Variants in PCDHA5 observed in about 807,000 individuals in gnomAD.
PCDHA5 encodes the protein protocadherin alpha-5.
In PCDHA5, 43 loss-of-function variants were observed where a neutral mutation model predicts 61.6. That is an observed-to-expected ratio of 0.70 (90% confidence interval 0.55 to 0.90). The LOEUF is 0.90. Among genes scored for constraint, PCDHA5 ranks in the 40% least tolerant of loss-of-function variants. The pLI is 0.00. For synonymous variants in PCDHA5, 627 were observed against 543.9 expected (o/e 1.15, Z -2.13); for missense variants, 1,298 against 1,222.7 (o/e 1.06, Z -0.92).
At chr5:140,989,531 G>C (rs782610172) in intron 3 of PCDHA5, among the ~76,000 whole-genome samples, 1 of 152,198 alleles carries the variant, frequency 6.6e-6, no homozygotes, top group Non-Finnish European at 1.5e-5. Flanking sequence ...AGAGGAGGAA[G>C]ATAGTTTGTA....
chr5:140,855,900 C>G, intron 1 of PCDHA5: 1 of 1,079,358 alleles, frequency 9.3e-7, no homozygotes, highest in Non-Finnish European at 1.3e-6. Flanking sequence ...AGGCATCAGC[C>G]AGTTTCTCAA....
chr5:141,002,437 T>C (rs1238744621), intron 3 of PCDHA5, among the ~76,000 whole-genome samples: 1 of 152,186 alleles, frequency 6.6e-6, no homozygotes, highest in Non-Finnish European at 1.5e-5. Context: ...GCAATAACCA[T>C]AATAATTGGC....
At chr5:140,962,207 A>G (rs1364251526) in intron 1 of PCDHA5, among the ~76,000 whole-genome samples, 13 of 152,236 alleles carry the variant, frequency 8.5e-5, no homozygotes, top group Admixed American at 3.3e-4. Flanking sequence ...CTATCTCCTT[A>G]TTGATCTTGA....
intron 1 of PCDHA5, chr5:140,870,462 G>A (rs181856615): frequency 6.4e-4 from 1,040 of 1,614,196 alleles, no homozygotes; most frequent in Non-Finnish European, 8.0e-4. Flanking sequence ...ATGCGCCTGC[G>A]TTCGCACAGC....
At chr5:140,828,738 A>C in intron 1 of PCDHA5, 1 of 1,614,242 alleles carries the variant, frequency 6.2e-7, no homozygotes, top group Non-Finnish European at 8.5e-7. Flanking sequence ...ACAGCCACAG[A>C]TGGGGGCAAA....
Position 140,932,626 on chromosome 5 carries a change from C to T in PCDHA5, c.2353-46323C>T, listed in dbSNP as rs965543719. 1.2e-4 allele frequency among the ~76,000 whole-genome samples: 18 copies of T among 151,670 alleles called. 1 individual carries two copies. The highest frequency in any genetic ancestry group is 8.9e-5 in the Non-Finnish European group (6 of 67,754). On this transcript the variant is annotated intron_variant, in intron 1 of 3. Coordinates refer to ENST00000529859, the MANE Select transcript of PCDHA5 (RefSeq NM_018908.3). ...TTTGACTTTGAAGCTGATAACCACA[C>T]TAAAAAACTTTAGAATGATGAAACT...
In PCDHA5 at chr5:140,823,029, G is replaced by C. The variant is rs2150121512; in HGVS notation, c.1254G>C (p.Ser418=). 1.2e-6 allele frequency: 2 copies of C among 1,614,104 alleles called. No homozygotes were observed. The highest frequency in any genetic ancestry group is 1.3e-5 in the African/African-American group (1 of 74,958). Residue 418 remains serine (S), a synonymous_variant, in exon 1 of 4, where the codon TCG becomes TCC. Transcript: ENST00000529859. ...GCGCCCTGGACCGCGAGAGCGTGTC[G>C]GTCTATGAGCTGGTGGTGACCGCGC... ...LDSALDRESV[S]VYELVVTARD...
At chr5:140,901,474 T>C (rs2068694853) in intron 1 of PCDHA5, among the ~76,000 whole-genome samples, 1 of 152,216 alleles carries the variant, frequency 6.6e-6, no homozygotes, top group Admixed American at 6.5e-5. Context: ...CTCGAGTTTA[T>C]GTTCTTGGCA....
At chr5:140,875,568 C>G in intron 1 of PCDHA5, 2 of 1,614,114 alleles carry the variant, frequency 1.2e-6, no homozygotes, top group Non-Finnish European at 1.7e-6. Context: ...GCCAGCTCCA[C>G]TACTCCGTCT....
Position 140,822,384 on chromosome 5 carries a change from A to G in PCDHA5, c.609A>G (p.Glu203=). Residue 203 remains glutamate, a synonymous_variant, in exon 1 of 4, where the codon GAA becomes GAG. Coordinates refer to ENST00000529859, the MANE Select transcript of PCDHA5 (RefSeq NM_018908.3). ...TGAGGAAATCCTTAGATAGAGAAGA[A>G]ACACAAGAACACCGTTTATTAGTGA... ...LVLRKSLDRE[E]TQEHRLLVIA... The G allele has an allele frequency of 6.2e-7, 1 of 1,614,130 alleles. No homozygotes were observed. The highest frequency in any genetic ancestry group is 1.7e-5 in the Admixed American group (1 of 60,034).
intron 3 of PCDHA5, among the ~76,000 whole-genome samples, chr5:141,008,339 C>T (rs782805145): frequency 1.1e-4 from 16 of 152,176 alleles, no homozygotes; most frequent in Non-Finnish European, 1.5e-4. Context: ...TTTGATGGAG[C>T]TTTTCACGTG....
chr5:140,892,555 T>C (rs1554185273), intron 1 of PCDHA5, among the ~76,000 whole-genome samples: 1 of 152,260 alleles, frequency 6.6e-6, no homozygotes, highest in African/African-American at 2.4e-5. Context: ...TCTCTAGTCC[T>C]TGGAGACTGT....
At chr5:140,854,583 A>T (rs1554147343) in intron 1 of PCDHA5, 1 of 149,916 alleles carries the variant, frequency 6.7e-6, no homozygotes, top group African/African-American at 2.4e-5. Flanking sequence ...AGATTTTAAT[A>T]AAAAAAGTTT....
chr5:140,900,381 G>A lies in PCDHA5; in HGVS notation c.2352+76254G>A, dbSNP rs149167159. 1.2e-4 allele frequency among the ~76,000 whole-genome samples: 19 copies of A among 152,024 alleles called. 1 individual carries two copies. The East Asian group carries it at 2.1e-3, about 17-fold the overall frequency. ...CAACCTCTGCCTCCTGGGTTCAAGC[G>A]ATTCTCCTGCCTCAGCCTCCCAAGT... is the stretch of plus-strand genomic sequence containing the variant. On this transcript the variant is annotated intron_variant, in intron 1 of 3. Transcript: ENST00000529859.
intron 1 of PCDHA5, chr5:140,865,253 G>T (rs782676084): frequency 6.6e-6 from 1 of 152,152 alleles, no homozygotes; most frequent in Non-Finnish European, 1.5e-5. Context: ...TAGCTGTAAG[G>T]ATGTGTATCA....
rs2150117255 is a variant in PCDHA5, at chr5:140,822,551, T to A, written c.776T>A (p.Leu259Ter). The A allele has an allele frequency of 6.2e-7, 1 of 1,613,796 alleles. No individual in the cohort carries two copies. Among genetic ancestry groups the A allele is most frequent in the Non-Finnish European group, 8.5e-7 (1 of 1,179,866 alleles). ...RLLENAPSGT[L>*]VIKLNASDAD... ...TTGGAAAATGCACCAAGTGGGACAT[T>A]AGTTATTAAACTGAACGCCTCAGAT... Residue 259 changes from leucine (L) to a stop codon, truncating the protein, a stop_gained, in exon 1 of 4, where the codon TTA (leucine) becomes TAA (stop). Transcript: ENST00000529859. LOFTEE classifies it high-confidence loss of function.
At chr5:140,892,588 T>C (rs751167275) in intron 1 of PCDHA5, among the ~76,000 whole-genome samples, 12 of 152,204 alleles carry the variant, frequency 7.9e-5, no homozygotes, top group Non-Finnish European at 1.8e-4. Flanking sequence ...TCAGTATTCA[T>C]TCACCTATTT....
chr5:140,930,055 A>G (rs1249446079), intron 1 of PCDHA5: 2 of 152,206 alleles, frequency 1.3e-5, no homozygotes, highest in Admixed American at 6.5e-5. Context: ...GTTTTTGCTT[A>G]CACAAAAACT....
At chr5:140,965,291 C>T (rs1227369041) in intron 1 of PCDHA5, among the ~76,000 whole-genome samples, 1 of 152,154 alleles carries the variant, frequency 6.6e-6, no homozygotes, top group Non-Finnish European at 1.5e-5. Context: ...GGAAAGATTT[C>T]CTCTGATCCT....
Sources: allele counts gnomAD v4.1 joint callset (sites outside exome capture counted in the v4.1 genomes callset), GRCh38; gene constraint gnomAD v4.1.1; transcripts MANE v1.5; gene names NCBI Gene and HGNC (gene_info 2026-07-23, HGNC 2026-07-21).